The following PDE4D variants were observed in gnomAD, a reference collection of about 807,000 sequenced individuals.
The protein encoded by PDE4D is 3',5'-cyclic-AMP phosphodiesterase 4D.
In PDE4D, 24 loss-of-function variants were observed where a neutral mutation model predicts 87.4. The observed-to-expected ratio is 0.27, with a 90% confidence interval of 0.20 to 0.39. The LOEUF is 0.39. Ranked by LOEUF, PDE4D falls within the 10% of genes least tolerant of loss-of-function variation. The pLI, the probability that PDE4D is intolerant of heterozygous loss-of-function variation, is 1.00. For synonymous variants in PDE4D, 384 were observed against 383.2 expected (o/e 1.00, Z -0.02); for missense variants, 714 against 1,041.0 (o/e 0.69, Z 4.32).
chr5:59,698,428 C>A lies in PDE4D; in HGVS notation c.455+194740G>T, dbSNP rs139847698. Among the ~76,000 whole-genome samples the A allele has an allele frequency of 1.1e-3, 160 of 151,936 alleles. 1 individual carries two copies. The highest frequency in any genetic ancestry group is 3.7e-3 in the African/African-American group (154 of 41,454). ...GTTGTGGTTTACTTTCTGGCATGAG[C>A]GCTTTAAAACTATTACCCAACATGA... On this transcript the variant is annotated intron_variant, in intron 1 of 14. Transcript: ENST00000340635.
intron 1 of PDE4D, among the ~76,000 whole-genome samples, chr5:59,389,175 T>A (rs181250940): frequency 2.6e-5 from 4 of 152,068 alleles, no homozygotes; most frequent in Admixed American, 6.6e-5. Context: ...CAAAAAGTGA[T>A]AGACCCCTTA....
At chr5:59,573,714 T>C (rs1260128567) in intron 1 of PDE4D, among the ~76,000 whole-genome samples, 1 of 151,782 alleles carries the variant, frequency 6.6e-6, no homozygotes. Context: ...ATAGCTCTTC[T>C]AGGCCAGCTG....
chr5:58,996,402 T>C (rs1345985055), intron 6 of PDE4D, among the ~76,000 whole-genome samples: 3 of 152,200 alleles, frequency 2.0e-5, no homozygotes, highest in Non-Finnish European at 4.4e-5. Flanking sequence ...CAATGAAATA[T>C]CTCTTTGACC....
intron 1 of PDE4D, among the ~76,000 whole-genome samples, chr5:60,247,342 A>G (rs1324808185): frequency 6.6e-6 from 1 of 152,032 alleles, no homozygotes; most frequent in Admixed American, 6.6e-5. Context: ...ATTTCTAAGC[A>G]TCCGTAGCAG....
intron 5 of PDE4D, among the ~76,000 whole-genome samples, chr5:59,135,566 T>G (rs113904907): frequency 6.6e-6 from 1 of 152,220 alleles, no homozygotes; most frequent in Non-Finnish European, 1.5e-5. Flanking sequence ...TGGACTTATT[T>G]GCAACCCAGC....
chr5:59,018,588 G>A (rs1382986917), intron 6 of PDE4D, among the ~76,000 whole-genome samples: 9 of 152,084 alleles, frequency 5.9e-5, no homozygotes, highest in Non-Finnish European at 1.0e-4. Flanking sequence ...TTAAACATGC[G>A]CTATCACCTT....
chr5:60,054,386 A>G (rs1188009483), intron 2 of PDE4D, among the ~76,000 whole-genome samples: 2 of 152,198 alleles, frequency 1.3e-5, no homozygotes, highest in African/African-American at 2.4e-5. Flanking sequence ...TTGCAGGGAC[A>G]TGGATGAAGC....
At chr5:60,300,924 C>T (rs1018133967) in intron 1 of PDE4D, among the ~76,000 whole-genome samples, 12 of 152,132 alleles carry the variant, frequency 7.9e-5, no homozygotes, top group African/African-American at 2.7e-4. Flanking sequence ...GTGCATGCCA[C>T]CACACCTGGC....
At chr5:59,886,374 G>A (rs1247853711) in intron 1 of PDE4D, among the ~76,000 whole-genome samples, 2 of 151,956 alleles carry the variant, frequency 1.3e-5, no homozygotes, top group Non-Finnish European at 2.9e-5. Flanking sequence ...AAAATTAGCC[G>A]GACATGGTGG....
chr5:59,408,272 G>A (rs924472906), intron 1 of PDE4D, among the ~76,000 whole-genome samples: 1 of 152,208 alleles, frequency 6.6e-6, no homozygotes, highest in African/African-American at 2.4e-5. Context: ...CCTCAGGTAT[G>A]GCTCAGGTTG....
intron 3 of PDE4D, among the ~76,000 whole-genome samples, chr5:59,963,783 C>T (rs1442347496): frequency 1.3e-5 from 2 of 152,028 alleles, no homozygotes; most frequent in African/African-American, 4.8e-5. Context: ...AAACACAGCC[C>T]TATTCAGAGT....
intron 2 of PDE4D, among the ~76,000 whole-genome samples, chr5:60,155,110 C>G (rs1781848877): frequency 6.6e-6 from 1 of 152,180 alleles, no homozygotes; most frequent in Non-Finnish European, 1.5e-5. Context: ...TGAGATACAT[C>G]TAGGACTAGA....
chr5:59,787,862 A>T (rs77822559), intron 1 of PDE4D, among the ~76,000 whole-genome samples: 3,791 of 152,338 alleles, frequency 0.025, 132 homozygotes, highest in African/African-American at 0.076. Context: ...TCTATCAAGC[A>T]ACTAAAATCT....
chr5:60,205,361 T>G (rs1742376462), intron 1 of PDE4D, among the ~76,000 whole-genome samples: 1 of 152,200 alleles, frequency 6.6e-6, no homozygotes, highest in African/African-American at 2.4e-5. Flanking sequence ...GCACTCTGCT[T>G]GCAAACTGGC....
chr5:59,872,317 A>C (rs535979892), intron 1 of PDE4D, among the ~76,000 whole-genome samples: 46 of 151,370 alleles, frequency 3.0e-4, no homozygotes, highest in African/African-American at 1.0e-3. Context: ...ACACAGGCAC[A>C]CACACAGCAT....
intron 2 of PDE4D, among the ~76,000 whole-genome samples, chr5:60,137,775 C>T (rs1339219652): frequency 6.6e-6 from 1 of 152,030 alleles, no homozygotes; most frequent in African/African-American, 2.4e-5. Flanking sequence ...TGTGCAGAAG[C>T]TCTTTAGTTT....
At chr5:60,236,872 A>G (rs977606187) in intron 1 of PDE4D, among the ~76,000 whole-genome samples, 4 of 151,916 alleles carry the variant, frequency 2.6e-5, no homozygotes, top group Non-Finnish European at 5.9e-5. Flanking sequence ...GAATACCAAC[A>G]CTTTGATTTC....
chr5:60,078,451 C>G (rs536166641), intron 2 of PDE4D, among the ~76,000 whole-genome samples: 1 of 151,770 alleles, frequency 6.6e-6, no homozygotes, highest in South Asian at 2.1e-4. Flanking sequence ...GGGATATATG[C>G]TCAGAACATA....
chr5:59,754,127 C>T (rs1367793498), intron 1 of PDE4D, among the ~76,000 whole-genome samples: 2 of 152,038 alleles, frequency 1.3e-5, no homozygotes, highest in East Asian at 1.9e-4. Flanking sequence ...GTCAGGAGTT[C>T]GAGACCAGCC....
Sources: allele counts gnomAD v4.1 joint callset (sites outside exome capture counted in the v4.1 genomes callset), GRCh38; gene constraint gnomAD v4.1.1; transcripts MANE v1.5; gene names NCBI Gene and HGNC (gene_info 2026-07-23, HGNC 2026-07-21).